IMMP2L: variants seen among roughly 807,000 people sequenced by gnomAD.
IMMP2L encodes mitochondrial inner membrane protease subunit 2.
In IMMP2L, 18 loss-of-function variants were observed where a neutral mutation model predicts 19.3. The observed-to-expected ratio is 0.93, with a 90% CI of 0.64 to 1.38. The LOEUF is 1.38. Among genes scored for constraint, IMMP2L ranks in the 40% most tolerant of loss-of-function variants. IMMP2L has a pLI of 0.00. For missense variants in IMMP2L, 233 were observed against 218.2 expected (o/e 1.07, Z -0.43); for synonymous variants, 76 against 73.0 (o/e 1.04, Z -0.21).
intron 5 of IMMP2L, among the ~76,000 whole-genome samples, chr7:110,696,249 T>C (rs1793863695): frequency 6.6e-6 from 1 of 152,108 alleles, no homozygotes; most frequent in East Asian, 1.9e-4. Context: ...TATCAGCTAA[T>C]AGAGAAGCAT....
chr7:111,010,581 T>C (rs903426182), intron 3 of IMMP2L, among the ~76,000 whole-genome samples: 2 of 152,142 alleles, frequency 1.3e-5, no homozygotes, highest in Admixed American at 1.3e-4. Context: ...CTCTTACTAC[T>C]GATCACAGTT....
intron 5 of IMMP2L, among the ~76,000 whole-genome samples, chr7:110,824,097 A>G (rs922789588): frequency 6.6e-6 from 1 of 152,128 alleles, no homozygotes. Context: ...AACATTCTCT[A>G]TAGGCCAGGA....
rs75407759 is a variant in IMMP2L at position 111,461,549 on chromosome 7, T to G, written c.239+25689A>C. The stretch of plus-strand genomic sequence containing the variant: ...AGCTTAAGGTTTATAGTGAAGGCTT[T>G]TTTAACTCCTCTTTTCTTTGAAGTC... On this transcript the variant is annotated intron_variant, in intron 3 of 5. Coordinates refer to ENST00000405709, the MANE Select transcript of IMMP2L (RefSeq NM_032549.4). Among the ~76,000 whole-genome samples the G allele has an allele frequency of 9.0e-3, 1,362 of 151,938 alleles. 26 individuals carry two copies. Among genetic ancestry groups the G allele is most frequent in the African/African-American group, 0.031 (1,289 of 41,558 alleles).
At chr7:111,083,752 A>G (rs1796079599) in intron 3 of IMMP2L, among the ~76,000 whole-genome samples, 1 of 152,202 alleles carries the variant, frequency 6.6e-6, no homozygotes, top group Non-Finnish European at 1.5e-5. Flanking sequence ...AGTGTCTTGC[A>G]TCGAGTTAAA....
chr7:110,867,486 C>G (rs940563169), intron 5 of IMMP2L, among the ~76,000 whole-genome samples: 1 of 151,896 alleles, frequency 6.6e-6, no homozygotes, highest in Admixed American at 6.6e-5. Flanking sequence ...AATGTATGAG[C>G]AAGAAAGTTT....
chr7:111,261,695 G>A (rs528822329), intron 3 of IMMP2L, among the ~76,000 whole-genome samples: 7 of 152,216 alleles, frequency 4.6e-5, no homozygotes, highest in Non-Finnish European at 7.4e-5. Context: ...TCAGGAAATC[G>A]TTTTAGGCTA....
chr7:110,685,100 C>T (rs1203137571), intron 5 of IMMP2L, among the ~76,000 whole-genome samples: 1 of 151,980 alleles, frequency 6.6e-6, no homozygotes, highest in Non-Finnish European at 1.5e-5. Flanking sequence ...ATCCATCGGT[C>T]AAATAGAGAA....
At chr7:110,973,769 G>T (rs1468438944) in intron 3 of IMMP2L, among the ~76,000 whole-genome samples, 1 of 152,014 alleles carries the variant, frequency 6.6e-6, no homozygotes, top group Non-Finnish European at 1.5e-5. Context: ...TCAGAGCATC[G>T]GTCCCCTAAT....
chr7:111,488,082 A>T (rs1477265454), intron 2 of IMMP2L, among the ~76,000 whole-genome samples: 1 of 152,200 alleles, frequency 6.6e-6, no homozygotes, highest in Non-Finnish European at 1.5e-5. Flanking sequence ...TCATTTGGAC[A>T]GGGGTACAGA....
intron 5 of IMMP2L, among the ~76,000 whole-genome samples, chr7:110,714,758 A>G (rs6963477): frequency 0.87 from 131,731 of 151,988 alleles, 57,236 homozygotes; most frequent in Non-Finnish European, 0.89. Flanking sequence ...CACCATGCCC[A>G]GCTAATTTTT....
rs5886587 is a variant in IMMP2L at position 111,023,543 on chromosome 7, C to CAAAAAAAA, written c.240-59986_240-59979dup. ...CGTGAAACCCTGTCTACTAAAAATA[C>CAAAAAAAA]AAAAAAAAAAAAAAAAATTAGCCAG... On this transcript the variant is annotated intron_variant, in intron 3 of 5. Transcript: ENST00000405709. Among the ~76,000 whole-genome samples the CAAAAAAAA allele has an allele frequency of 4.4e-4, 58 of 133,078 alleles. 1 individual carries two copies. Among genetic ancestry groups the CAAAAAAAA allele is most frequent in the African/African-American group, 1.5e-3 (54 of 35,570 alleles). 87.3% of individuals were successfully genotyped at this position (133,078 alleles called of 152,430 possible). A position where few individuals can be genotyped will look rare whatever the true frequency, so the allele number is the denominator to read the frequency against.
chr7:111,129,917 T>C (rs1232958493), intron 3 of IMMP2L, among the ~76,000 whole-genome samples: 1 of 152,150 alleles, frequency 6.6e-6, no homozygotes, highest in Non-Finnish European at 1.5e-5. Context: ...TTAAAAAGAA[T>C]ATTACAGCAG....
chr7:111,090,502 A>G (rs2129577735), intron 3 of IMMP2L, among the ~76,000 whole-genome samples: 1 of 152,180 alleles, frequency 6.6e-6, no homozygotes, highest in South Asian at 2.1e-4. Context: ...TTAGAAATAC[A>G]TATTTTTAAA....
intron 3 of IMMP2L, among the ~76,000 whole-genome samples, chr7:111,366,956 C>T (rs1401096005): frequency 6.6e-6 from 1 of 151,642 alleles, no homozygotes; most frequent in Non-Finnish European, 1.5e-5. Flanking sequence ...TATAGGTATT[C>T]TTTGTACCAT....
intron 1 of IMMP2L, among the ~76,000 whole-genome samples, chr7:111,535,802 TGGGAATCA>T (rs1471236463): frequency 6.6e-6 from 1 of 151,942 alleles, no homozygotes; most frequent in Non-Finnish European, 1.5e-5. Context: ...AAATACACAG[TGGGAATCA>T]GGGAAGAATG....
intron 3 of IMMP2L, among the ~76,000 whole-genome samples, chr7:111,480,597 CAAAAAAA>C (rs925037556): frequency 1.1e-4 from 6 of 55,058 alleles, no homozygotes; most frequent in Admixed American, 2.1e-4. Context: ...ATTTTACTGT[CAAAAAAA>C]AAAAAAAAAA....
At chr7:110,836,099 G>A (rs1397783135) in intron 5 of IMMP2L, among the ~76,000 whole-genome samples, 1 of 152,066 alleles carries the variant, frequency 6.6e-6, no homozygotes, top group African/African-American at 2.4e-5. Context: ...GGAGTGGAGG[G>A]GAGCTGAGTT....
intron 3 of IMMP2L, among the ~76,000 whole-genome samples, chr7:111,105,324 T>C (rs1798424892): frequency 1.3e-5 from 2 of 151,924 alleles, no homozygotes; most frequent in African/African-American, 4.8e-5. Flanking sequence ...TAACATCATG[T>C]ATAAAACTCA....
At position 111,066,037 on chromosome 7, in the gene IMMP2L, G is replaced by A. The variant is rs116303565; in HGVS notation, c.240-102472C>T. On this transcript the variant is annotated intron_variant, in intron 3 of 5. Coordinates refer to ENST00000405709, the MANE Select transcript of IMMP2L (RefSeq NM_032549.4). Reference sequence around the variant, plus strand: ...GAAGTCTCCCAGGCTTGAGTGCTATGGCGCAATCTTGACTCACTGCAACCT... The same window carrying A: ...GAAGTCTCCCAGGCTTGAGTGCTATAGCGCAATCTTGACTCACTGCAACCT... Among the ~76,000 whole-genome samples the A allele has an allele frequency of 8.9e-3, 1,322 of 147,880 alleles. 25 individuals carry two copies. Among genetic ancestry groups the A allele is most frequent in the African/African-American group, 0.032 (1,278 of 39,750 alleles).
Sources: gnomAD v4.1 joint callset for allele counts (sites outside exome capture counted in the v4.1 genomes callset) on GRCh38, gnomAD v4.1.1 for gene constraint, MANE v1.5 for transcripts, NCBI Gene and HGNC (gene_info 2026-07-23, HGNC 2026-07-21) for gene names.